Variants in DSCAML1 observed in about 807,000 individuals in gnomAD.
DSCAML1 encodes cell adhesion molecule DSCAML1.
A neutral mutation model predicts 200.5 loss-of-function variants in DSCAML1; 38 were observed. The ratio of observed to expected loss-of-function variants is 0.19; its 90% CI spans 0.15 to 0.25. The LOEUF (loss-of-function observed/expected upper bound fraction) is 0.25. DSCAML1 is among the 10% of genes least tolerant of loss of function. The probability of loss-of-function intolerance (pLI) is 1.00; values close to 1 mark genes in which losing one functional copy is unlikely to be tolerated. For synonymous variants in DSCAML1, 1,215 were observed against 1,165.0 expected (o/e 1.04, Z -0.87); for missense variants, 2,223 against 2,858.8 (o/e 0.78, Z 5.07).
chr11:117,782,566 T>C (rs944537874), intron 1 of DSCAML1, among the ~76,000 whole-genome samples: 1 of 152,182 alleles, frequency 6.6e-6, no homozygotes, highest in Non-Finnish European at 1.5e-5. Context: ...TCTGGAAGCA[T>C]GCCCAACTTG....
In DSCAML1 at chr11:117,428,596, G is replaced by A. The variant is rs1238530631; in HGVS notation, c.5894C>T (p.Ser1965Phe). 1 of 1,600,082 alleles carries A rather than the reference G, an allele frequency of 6.2e-7. No homozygotes were observed. Among genetic ancestry groups the A allele is most frequent in the Non-Finnish European group, 8.5e-7 (1 of 1,174,072 alleles). The change falls in exon 33 of 33, where the codon TCC becomes TTC. Residue 1965 changes from serine (S) to phenylalanine (F), a missense_variant. Transcript: ENST00000651296. ...LPHPGAPAAA[S>F]TATLPQRTLA... ...AGTCCTCTGAGGTAAGGTGGCTGTG[G>A]AGGCGGCAGCGGGGGCCCCTGGGTG...
intron 21 of DSCAML1, among the ~76,000 whole-genome samples, chr11:117,442,713 C>T (rs1236086673): frequency 6.6e-6 from 1 of 152,158 alleles, no homozygotes; most frequent in African/African-American, 2.4e-5. Context: ...TGGGCCAGTG[C>T]TAGCTGTTCT....
At chr11:117,807,315 A>G (rs949853565) in intron 1 of DSCAML1, among the ~76,000 whole-genome samples, 7 of 152,184 alleles carry the variant, frequency 4.6e-5, no homozygotes, top group Non-Finnish European at 8.8e-5. Flanking sequence ...CACAAGGATG[A>G]GTCTTTCTTG....
chr11:117,603,322 AT>A (rs1355500354), intron 3 of DSCAML1, among the ~76,000 whole-genome samples: 1 of 152,208 alleles, frequency 6.6e-6, no homozygotes, highest in African/African-American at 2.4e-5. Flanking sequence ...CCTGAATCAA[AT>A]GGCAGCGGGC....
chr11:117,722,790 T>C (rs1275669675), intron 3 of DSCAML1, among the ~76,000 whole-genome samples: 3 of 152,214 alleles, frequency 2.0e-5, no homozygotes, highest in South Asian at 4.1e-4. Flanking sequence ...CAAACTCCTC[T>C]GGGTGTTTCA....
In DSCAML1 at chr11:117,471,859, A is replaced by G. The variant is rs920166957; in HGVS notation, c.2953+10T>C. 4.0e-6 allele frequency: 6 copies of G among 1,511,638 alleles called. No individual in the cohort carries two copies. The African/African-American group carries it at 8.4e-5, about 21-fold the overall frequency. 93.6% of individuals were successfully genotyped at this position (1,511,638 alleles called of 1,614,324 possible). Reference sequence around the variant, plus strand: ...GGCCATGGGCAGGGCAGGCTGGGTGAGGTGCTCACCGGCCTCCTCAGTGCT... The same window carrying G: ...GGCCATGGGCAGGGCAGGCTGGGTGGGGTGCTCACCGGCCTCCTCAGTGCT... On this transcript the variant is annotated intron_variant, in intron 15 of 32. Coordinates refer to ENST00000651296, the MANE Select transcript of DSCAML1 (RefSeq NM_020693.4).
chr11:117,488,718 C>G (rs534342699), intron 11 of DSCAML1, among the ~76,000 whole-genome samples: 6 of 152,330 alleles, frequency 3.9e-5, no homozygotes, highest in Admixed American at 3.9e-4. Flanking sequence ...CCCTGATGTG[C>G]TTGTTTAACA....
rs546513683 is a variant in DSCAML1, at chr11:117,716,808, C to G, written c.511+59983G>C. On this transcript the variant is annotated intron_variant, in intron 3 of 32. Coordinates refer to ENST00000651296, the MANE Select transcript of DSCAML1 (RefSeq NM_020693.4). The stretch of plus-strand genomic sequence containing the variant: ...GCCCATAAATAGAGTGTTTTTGGAA[C>G]ACAGCCATGCCCGCTCACCCATGTA... Among the ~76,000 whole-genome samples, 6 of 152,292 alleles carry G rather than the reference C, an allele frequency of 3.9e-5. No individual in the cohort carries two copies. The South Asian group carries it at 1.0e-3, about 26-fold the overall frequency.
chr11:117,637,805 A>G (rs2052323195), intron 3 of DSCAML1, among the ~76,000 whole-genome samples: 2 of 152,234 alleles, frequency 1.3e-5, no homozygotes, highest in Non-Finnish European at 2.9e-5. Flanking sequence ...CTTCCCCCCA[A>G]AAGCCAATGC....
intron 3 of DSCAML1, among the ~76,000 whole-genome samples, chr11:117,653,051 G>A (rs567062810): frequency 2.6e-5 from 4 of 152,172 alleles, no homozygotes; most frequent in South Asian, 4.2e-4. Flanking sequence ...AATGGTGACA[G>A]AAGAAGCTGT....
chr11:117,430,301 G>A (rs950013399), intron 32 of DSCAML1, among the ~76,000 whole-genome samples: 5 of 152,336 alleles, frequency 3.3e-5, no homozygotes, highest in African/African-American at 1.2e-4. Context: ...TGAGACCAGA[G>A]GCCCTTGGGC....
intron 3 of DSCAML1, among the ~76,000 whole-genome samples, chr11:117,717,510 T>C (rs956906804): frequency 6.6e-6 from 1 of 152,184 alleles, no homozygotes. Flanking sequence ...TGGATAAGGA[T>C]TGTGAGGCTC....
rs781117478 is a variant in DSCAML1 at position 117,525,070 on chromosome 11, C to A, written c.672G>T (p.Ser224=). 1 of 1,567,032 alleles carries A rather than the reference C, an allele frequency of 6.4e-7. No individual in the cohort carries two copies. Among genetic ancestry groups the A allele is most frequent in the Admixed American group, 1.9e-5 (1 of 52,552 alleles). Reference sequence around the variant, plus strand: ...GGAAGCCATCCAGGATGGTGGGGATCGACTCAGCAGGGTCTGGAAGGCAGA... The same window carrying A: ...GGAAGCCATCCAGGATGGTGGGGATAGACTCAGCAGGGTCTGGAAGGCAGA... ...ARLSVTDPAE[S]IPTILDGFHS... The change falls in exon 5 of 33, where the codon TCG becomes TCT. Residue 224 remains serine, a synonymous_variant. Coordinates refer to ENST00000651296, the MANE Select transcript of DSCAML1 (RefSeq NM_020693.4).
chr11:117,616,442 C>T (rs555244158), intron 3 of DSCAML1, among the ~76,000 whole-genome samples: 169 of 152,318 alleles, frequency 1.1e-3, no homozygotes, highest in African/African-American at 3.7e-3. Flanking sequence ...CAGGTTGTTC[C>T]TTTCCATTGT....
At chr11:117,680,989 T>C (rs1233598385) in intron 3 of DSCAML1, among the ~76,000 whole-genome samples, 2 of 152,216 alleles carry the variant, frequency 1.3e-5, no homozygotes, top group Non-Finnish European at 2.9e-5. Flanking sequence ...GTCCCAGAGC[T>C]GACCACTGAA....
At chr11:117,431,059 G>A (rs767449325) in intron 31 of DSCAML1, 26 bp from the exon 32 acceptor site, 1 of 1,588,352 alleles carries the variant, frequency 6.3e-7, no homozygotes, top group South Asian at 1.2e-5. Context: ...GAAAGGGGTG[G>A]GTTACGGGGA....
At chr11:117,603,952 C>A (rs1218184444) in intron 3 of DSCAML1, among the ~76,000 whole-genome samples, 1 of 152,196 alleles carries the variant, frequency 6.6e-6, no homozygotes, top group African/African-American at 2.4e-5. Flanking sequence ...TCAAGGAAGG[C>A]ATTATTGGTT....
At chr11:117,661,846 A>G (rs952599367) in intron 3 of DSCAML1, among the ~76,000 whole-genome samples, 1 of 152,168 alleles carries the variant, frequency 6.6e-6, no homozygotes. Context: ...TGGGCCTATG[A>G]AAAAGAGTGG....
At chr11:117,528,420 C>T (rs1253009259) in intron 4 of DSCAML1, among the ~76,000 whole-genome samples, 7 of 152,296 alleles carry the variant, frequency 4.6e-5, no homozygotes, top group African/African-American at 1.2e-4. Flanking sequence ...AATGCTGCGG[C>T]GTGTACATGG....
Sources: gnomAD v4.1 joint callset for allele counts (sites outside exome capture counted in the v4.1 genomes callset) on GRCh38, gnomAD v4.1.1 for gene constraint, MANE v1.5 for transcripts, NCBI Gene and HGNC (gene_info 2026-07-23, HGNC 2026-07-21) for gene names.